The following GPC6 variants were observed in gnomAD, a reference collection of about 807,000 sequenced individuals.
The protein encoded by GPC6 is glypican-6.
GPC6 carries 14 observed loss-of-function variants against 55.2 expected under a neutral mutation model. The ratio of observed to expected loss-of-function variants is 0.25; its 90% CI spans 0.17 to 0.40. The LOEUF is 0.40. GPC6 is among the 10% of genes least tolerant of loss of function. GPC6 has a pLI of 1.00. For synonymous variants in GPC6, 278 were observed against 259.6 expected, an observed-to-expected ratio of 1.07 and a Z score of -0.68; for missense variants, 641 against 708.5, an observed-to-expected ratio of 0.90 and a Z score of 1.08.
intron 4 of GPC6, among the ~76,000 whole-genome samples, chr13:94,096,611 A>G (rs16949458): frequency 0.026 from 3,981 of 152,302 alleles, 175 homozygotes; most frequent in African/African-American, 0.091. Flanking sequence ...CACAGAGCTC[A>G]CGGTCCAGGT....
At chr13:94,402,872 A>T in intron 8 of GPC6, 143 bp from the exon 9 acceptor site, 1 of 768,140 alleles carries the variant, frequency 1.3e-6, no homozygotes, top group Non-Finnish European at 2.3e-6. Flanking sequence ...GGAAACCACC[A>T]CCATGATTGA....
chr13:93,912,729 A>C (rs772032095), intron 3 of GPC6, among the ~76,000 whole-genome samples: 24 of 152,278 alleles, frequency 1.6e-4, no homozygotes, highest in Admixed American at 5.9e-4. Context: ...GGCGACAGAT[A>C]GAGACTCCGT....
chr13:93,648,058 G>A (rs3915918), intron 2 of GPC6, among the ~76,000 whole-genome samples: 1 of 152,104 alleles, frequency 6.6e-6, no homozygotes. Flanking sequence ...GATGGCATTA[G>A]AGGAGAAAGA....
chr13:93,406,946 G>A (rs1232816661), intron 1 of GPC6, among the ~76,000 whole-genome samples: 2 of 152,132 alleles, frequency 1.3e-5, no homozygotes, highest in Non-Finnish European at 2.9e-5. Flanking sequence ...GCAACAAAAT[G>A]TAATTTTTGA....
At chr13:93,949,464 T>C (rs950389799) in intron 3 of GPC6, among the ~76,000 whole-genome samples, 1 of 152,118 alleles carries the variant, frequency 6.6e-6, no homozygotes, top group Non-Finnish European at 1.5e-5. Flanking sequence ...TGGCATAAAA[T>C]CTGAGATTTT....
At chr13:93,381,778 A>G (rs1448508036) in intron 1 of GPC6, among the ~76,000 whole-genome samples, 1 of 152,096 alleles carries the variant, frequency 6.6e-6, no homozygotes, top group East Asian at 1.9e-4. Flanking sequence ...CCTAACTTCT[A>G]TTATCATGAC....
At chr13:93,561,062 C>T (rs560249200) in intron 2 of GPC6, among the ~76,000 whole-genome samples, 16 of 152,150 alleles carry the variant, frequency 1.1e-4, no homozygotes, top group Non-Finnish European at 2.4e-4. Context: ...AAGCAAGCAC[C>T]GGTAATCTTT....
intron 3 of GPC6, among the ~76,000 whole-genome samples, chr13:93,997,232 G>A (rs913417823): frequency 4.6e-5 from 7 of 152,120 alleles, no homozygotes; most frequent in Non-Finnish European, 8.8e-5. Context: ...AATGCCATAG[G>A]AGACATCACT....
chr13:94,297,166 T>G (rs550265712), intron 5 of GPC6, among the ~76,000 whole-genome samples: 1 of 152,224 alleles, frequency 6.6e-6, no homozygotes, highest in Admixed American at 6.5e-5. Flanking sequence ...CCTGTGGGTG[T>G]TCCGTCACAC....
intron 1 of GPC6, among the ~76,000 whole-genome samples, chr13:93,297,501 T>C (rs548209632): frequency 4.3e-4 from 65 of 152,214 alleles, no homozygotes; most frequent in African/African-American, 1.5e-3. Context: ...TGTGTTAGCG[T>C]GCACCTGTGG....
At chr13:93,441,916 C>A (rs1257334166) in intron 1 of GPC6, among the ~76,000 whole-genome samples, 18 of 152,088 alleles carry the variant, frequency 1.2e-4, no homozygotes, top group Non-Finnish European at 2.4e-4. Flanking sequence ...TGGACATAAA[C>A]CTTTTCTCTG....
intron 5 of GPC6, among the ~76,000 whole-genome samples, chr13:94,291,289 T>C (rs1874958217): frequency 6.6e-6 from 1 of 151,400 alleles, no homozygotes; most frequent in African/African-American, 2.4e-5. Flanking sequence ...GTCAAAAAAA[T>C]GACAGAAACA....
intron 1 of GPC6, among the ~76,000 whole-genome samples, chr13:93,396,382 G>A (rs997337003): frequency 1.3e-5 from 2 of 152,026 alleles, no homozygotes; most frequent in African/African-American, 4.8e-5. Context: ...GGCCAATACG[G>A]TGAAAACCTG....
chr13:93,510,790 C>A (rs1880925434), intron 1 of GPC6, among the ~76,000 whole-genome samples: 1 of 150,928 alleles, frequency 6.6e-6, no homozygotes, highest in East Asian at 1.9e-4. Flanking sequence ...CTTTTCTCTA[C>A]ATCCTCACCA....
intron 2 of GPC6, among the ~76,000 whole-genome samples, chr13:93,802,648 T>C (rs1290683062): frequency 6.6e-6 from 1 of 152,074 alleles, no homozygotes; most frequent in African/African-American, 2.4e-5. Context: ...CAAGTGATCT[T>C]CCTGCCTCAG....
chr13:94,096,711 G>A (rs949232983), intron 4 of GPC6, among the ~76,000 whole-genome samples: 1 of 148,470 alleles, frequency 6.7e-6, no homozygotes, highest in African/African-American at 2.4e-5. Context: ...TTGGGAATTA[G>A]CCATGTCTCT....
chr13:93,545,215 A>C (rs1312013046), intron 1 of GPC6, 48 bp from the exon 2 acceptor site: 2 of 1,524,160 alleles, frequency 1.3e-6, no homozygotes, highest in African/African-American at 2.7e-5. Context: ...TCTAACGTCT[A>C]CCAAAAGTCC....
rs1207515637 is a variant in GPC6 at position 94,265,177 on chromosome 13, AG to A, written c.878-21169del. Among the ~76,000 whole-genome samples, 13 of 152,326 alleles carry A rather than the reference AG, an allele frequency of 8.5e-5. No individual in the cohort carries two copies. The East Asian group carries it at 2.1e-3, about 25-fold the overall frequency. On this transcript the variant is annotated intron_variant, in intron 4 of 8. Coordinates refer to ENST00000377047, the MANE Select transcript of GPC6 (RefSeq NM_005708.5). The stretch of plus-strand genomic sequence containing the variant: ...TAGATAACTGGCGTGTAATATGAAA[AG>A]GGAGTGTATTAGGGTTCTCTAGAGG...
intron 1 of GPC6, among the ~76,000 whole-genome samples, chr13:93,318,017 A>G (rs1449409844): frequency 6.6e-6 from 1 of 152,172 alleles, no homozygotes; most frequent in Admixed American, 6.5e-5. Flanking sequence ...TCTGCAATGA[A>G]TTCAACTCAT....
Sources: allele counts gnomAD v4.1 joint callset (sites outside exome capture counted in the v4.1 genomes callset), GRCh38; gene constraint gnomAD v4.1.1; transcripts MANE v1.5; gene names NCBI Gene and HGNC (gene_info 2026-07-23, HGNC 2026-07-21).